ENTPD3: variants seen among roughly 807,000 people sequenced by gnomAD.
ENTPD3 encodes the protein ectonucleoside triphosphate diphosphohydrolase 3.
In ENTPD3, 60 loss-of-function variants were observed where a neutral mutation model predicts 51.2. That is an observed-to-expected ratio of 1.17 (90% CI 0.95 to 1.45). The LOEUF is 1.45. ENTPD3 is among the 40% of genes most tolerant of loss of function. The pLI, the probability that ENTPD3 is intolerant of heterozygous loss-of-function variation, is 0.00. For missense variants in ENTPD3, 593 were observed against 641.1 expected (o/e 0.93, Z 0.81); for synonymous variants, 221 against 238.4 (o/e 0.93, Z 0.67).
intron 4 of ENTPD3, among the ~76,000 whole-genome samples, chr3:40,402,145 G>GTC (rs1308894098): frequency 2.1e-4 from 7 of 33,430 alleles, no homozygotes; most frequent in African/African-American, 4.1e-4. Context: ...TTGAGACAGA[G>GTC]TCTCACTCTG....
chr3:40,427,785 A>C lies in ENTPD3; in HGVS notation c.*277A>C. On this transcript the variant is annotated 3_prime_UTR_variant, in exon 11 of 11. Transcript: ENST00000301825. ...CACGAAGGTCAGGCTCTTTATATTA[A>C]GTTCCCCAGAGGAAGAGTAAGTTGA... The C allele has an allele frequency of 2.2e-6, 1 of 448,454 alleles. No individual in the cohort carries two copies. The highest frequency in any genetic ancestry group is 2.7e-5 in the South Asian group (1 of 36,756). The allele number at this position is 448,454 out of a possible 1,614,324, so 27.8% of individuals were successfully genotyped here. A position where few individuals can be genotyped will look rare whatever the true frequency, so the allele number is the denominator to read the frequency against.
intron 4 of ENTPD3, among the ~76,000 whole-genome samples, chr3:40,404,547 G>A (rs1202679971): frequency 1.3e-5 from 2 of 151,990 alleles, no homozygotes; most frequent in African/African-American, 4.8e-5. Context: ...GGGTTCCTTG[G>A]CCCACCCTGG....
At chr3:40,390,789 C>T (rs1191076509) in intron 2 of ENTPD3, among the ~76,000 whole-genome samples, 1 of 152,146 alleles carries the variant, frequency 6.6e-6, no homozygotes, top group Non-Finnish European at 1.5e-5. Context: ...ATACTCCACA[C>T]TCTGTATAGC....
intron 2 of ENTPD3, 115 bp downstream of exon 2, chr3:40,388,212 G>T: frequency 1.0e-6 from 1 of 977,758 alleles, no homozygotes; most frequent in South Asian, 1.3e-5. Flanking sequence ...AACTTTATTG[G>T]TTTGAGACTC....
At chr3:40,397,036 C>G (rs140459160) in intron 3 of ENTPD3, among the ~76,000 whole-genome samples, 29 of 151,652 alleles carry the variant, frequency 1.9e-4, no homozygotes, top group African/African-American at 6.8e-4. Context: ...CCTCATTGAG[C>G]CTTGCTCATC....
chr3:40,428,163 C>T lies in ENTPD3; in HGVS notation c.*655C>T, dbSNP rs1448178055. ...TGGAATTCCCACTTAGGGCTCTGGT[C>T]ACTAGATTGCAACCTGTGTGTTTGT... On this transcript the variant is annotated 3_prime_UTR_variant, in exon 11 of 11. Transcript: ENST00000301825. 2 of 153,434 alleles carry T rather than the reference C, an allele frequency of 1.3e-5. No homozygotes were observed. Among genetic ancestry groups the T allele is most frequent in the Non-Finnish European group, 2.9e-5 (2 of 68,908 alleles). The allele number at this position is 153,434 out of a possible 1,614,324, so 9.5% of individuals were successfully genotyped here.
intron 2 of ENTPD3, among the ~76,000 whole-genome samples, chr3:40,390,670 GT>G (rs576180396): frequency 2.0e-5 from 3 of 152,062 alleles, no homozygotes; most frequent in Non-Finnish European, 4.4e-5. Flanking sequence ...AGTTTATAAT[GT>G]TTTTTTAAAA....
In ENTPD3 at chr3:40,410,074, T is replaced by C. The variant is rs1463844026; in HGVS notation, c.287-1738T>C. Among the ~76,000 whole-genome samples the C allele has an allele frequency of 4.6e-5, 7 of 152,316 alleles. No homozygotes were observed. In the East Asian group the frequency reaches 1.2e-3, roughly 25 times the overall value. On this transcript the variant is annotated intron_variant, in intron 4 of 10. Coordinates refer to ENST00000301825, the MANE Select transcript of ENTPD3 (RefSeq NM_001248.4). ...ATACCTAGTTTTGTAGATCTAATTTTAGAACTACTTAATTATTTTAGTAAC... is the reference window on the plus strand; with the variant it reads ...ATACCTAGTTTTGTAGATCTAATTTCAGAACTACTTAATTATTTTAGTAAC...
chr3:40,407,043 C>G lies in ENTPD3; in HGVS notation c.287-4769C>G, dbSNP rs112796879. Among the ~76,000 whole-genome samples, 840 of 152,168 alleles carry G rather than the reference C, an allele frequency of 5.5e-3. 5 individuals carry two copies. The highest frequency in any genetic ancestry group is 0.018 in the African/African-American group (753 of 41,504). On this transcript the variant is annotated intron_variant, in intron 4 of 10. Transcript: ENST00000301825. ...GGCATCTGAGTTCATAATGCATGAG[C>G]AAGAGTTTGGATATGAGCAACTGTG...
chr3:40,417,721 G>T (rs2125607240), intron 7 of ENTPD3, among the ~76,000 whole-genome samples: 1 of 152,216 alleles, frequency 6.6e-6, no homozygotes, highest in African/African-American at 2.4e-5. Flanking sequence ...ATCCCCACTT[G>T]CTCATCAAAG....
Position 40,402,123 on chromosome 3 carries a change from C to CTTTTTTTTTTTTTTTTTTTT in ENTPD3, c.286+1125_286+1126insTTTTTTTTTTTTTTTTTTTT, listed in dbSNP as rs58000344. On this transcript the variant is annotated intron_variant, in intron 4 of 10. Transcript: ENST00000301825. The stretch of plus-strand genomic sequence containing the variant: ...TTCATTTCCTTTCCTTTTTTTTTTT[C>CTTTTTTTTTTTTTTTTTTTT]TTTTTTTTTTTTTGAGACAGAGTCT... Among the ~76,000 whole-genome samples, 935 of 95,000 alleles carry CTTTTTTTTTTTTTTTTTTTT rather than the reference C, an allele frequency of 9.8e-3. 8 individuals carry two copies. Among genetic ancestry groups the CTTTTTTTTTTTTTTTTTTTT allele is most frequent in the Non-Finnish European group, 0.013 (664 of 52,232 alleles). 62.3% of individuals were successfully genotyped at this position (95,000 alleles called of 152,430 possible).
At chr3:40,411,511 G>A (rs1463396500) in intron 4 of ENTPD3, among the ~76,000 whole-genome samples, 1 of 152,084 alleles carries the variant, frequency 6.6e-6, no homozygotes, top group Non-Finnish European at 1.5e-5. Context: ...GAAGCTGGGA[G>A]ATAGATGCAT....
chr3:40,422,044 T>G (rs1468531309), intron 7 of ENTPD3, among the ~76,000 whole-genome samples: 1 of 152,090 alleles, frequency 6.6e-6, no homozygotes, highest in Non-Finnish European at 1.5e-5. Context: ...CCAAGTGAAG[T>G]TCATAAAACC....
Position 40,423,058 on chromosome 3 carries a change from GC to G in ENTPD3, c.1042del (p.His348MetfsTer33), listed in dbSNP as rs748369120. 6.2e-7 allele frequency: 1 copy of G among 1,614,058 alleles called. No homozygotes were observed. Among genetic ancestry groups the G allele is most frequent in the South Asian group, 1.1e-5 (1 of 91,060 alleles). ...KVASIFDFKA[C>X]HDQETCSFDG... ...GCTTCCATATTTGACTTCAAAGCTT[GC>G]CATGATCAAGAAACCTGTTCTTTTG... On this transcript the variant is annotated frameshift_variant, in exon 8 of 11. Transcript: ENST00000301825. LOFTEE classifies it high-confidence loss of function.
chr3:40,414,947 A>G (rs1239774272), intron 6 of ENTPD3, 107 bp downstream of exon 6: 11 of 1,115,210 alleles, frequency 9.9e-6, no homozygotes, highest in Non-Finnish European at 1.3e-5. Context: ...GCCCTGTATC[A>G]CTCCTACCAT....
At chr3:40,419,443 C>A (rs971996081) in intron 7 of ENTPD3, among the ~76,000 whole-genome samples, 3 of 151,974 alleles carry the variant, frequency 2.0e-5, no homozygotes, top group African/African-American at 7.2e-5. Flanking sequence ...TATTTTGGGG[C>A]CAATATCATG....
chr3:40,412,939 T>A (rs1955667335), intron 5 of ENTPD3, among the ~76,000 whole-genome samples: 1 of 152,232 alleles, frequency 6.6e-6, no homozygotes, highest in Non-Finnish European at 1.5e-5. Context: ...ATTATTTCAT[T>A]TACGTGTAAT....
In ENTPD3 at chr3:40,392,047, C is replaced by T. The variant is rs1955069446; in HGVS notation, c.65C>T (p.Pro22Leu). ...QAGLKALYRT[P>L]TIIALVVLLV... ...GGCCTCAAGGCCCTCTACCGAACTCCAACCATCATTGCCTTGGTGGTCTTG... is the reference window on the plus strand; with the variant it reads ...GGCCTCAAGGCCCTCTACCGAACTCTAACCATCATTGCCTTGGTGGTCTTG... The change falls in exon 3 of 11, where the codon CCA (proline) becomes CTA (leucine). Residue 22 changes from proline (P) to leucine (L), a missense_variant. Physicochemically the swap from Pro to Leu is moderately conservative, Grantham distance 98. Transcript: ENST00000301825. The T allele has an allele frequency of 2.5e-6, 4 of 1,614,192 alleles. No individual in the cohort carries two copies. The highest frequency in any genetic ancestry group is 2.2e-5 in the South Asian group (2 of 91,074).
chr3:40,427,365 G>T lies in ENTPD3; in HGVS notation c.1447G>T (p.Glu483Ter). 1 of 1,614,128 alleles carries T rather than the reference G, an allele frequency of 6.2e-7. No homozygotes were observed. The highest frequency in any genetic ancestry group is 1.3e-5 in the African/African-American group (1 of 75,022). ...AESPLIRLPI[E>*]PPVFVGTLAF... ...AAGCCCTCTGATCCGTCTGCCCATA[G>T]AACCACCTGTCTTTGTGGGCACCCT... The change falls in exon 11 of 11, where the codon GAA (glutamate) becomes TAA (stop). Residue 483 changes from glutamate (E) to a stop codon, truncating the protein, a stop_gained. Coordinates refer to ENST00000301825, the MANE Select transcript of ENTPD3 (RefSeq NM_001248.4). LOFTEE classifies it low-confidence loss of function (END_TRUNC).
Sources: gnomAD v4.1 joint callset for allele counts (sites outside exome capture counted in the v4.1 genomes callset) on GRCh38, gnomAD v4.1.1 for gene constraint, MANE v1.5 for transcripts, NCBI Gene and HGNC (gene_info 2026-07-23, HGNC 2026-07-21) for gene names.